IGF2BP2: variants seen among roughly 807,000 people sequenced by gnomAD.
IGF2BP2 encodes insulin like growth factor 2 mRNA binding protein 2.
In IGF2BP2, 17 loss-of-function variants were observed where a neutral mutation model predicts 75.8. That is an observed-to-expected ratio of 0.22 (90% CI 0.15 to 0.34). The LOEUF is 0.34. Among genes scored for constraint, IGF2BP2 ranks in the 10% least tolerant of loss-of-function variants. IGF2BP2 has a pLI of 1.00. For synonymous variants in IGF2BP2, 288 were observed against 295.6 expected (o/e 0.97, Z 0.26); for missense variants, 516 against 772.4 (o/e 0.67, Z 3.93).
intron 2 of IGF2BP2, among the ~76,000 whole-genome samples, chr3:185,814,835 G>A (rs1017664821): frequency 6.6e-6 from 1 of 152,026 alleles, no homozygotes; most frequent in African/African-American, 2.4e-5. Context: ...ATCAAAAAGT[G>A]CTTTCACTGA....
intron 2 of IGF2BP2, among the ~76,000 whole-genome samples, chr3:185,783,613 C>T (rs1263711949): frequency 6.6e-6 from 1 of 152,198 alleles, no homozygotes; most frequent in African/African-American, 2.4e-5. Flanking sequence ...ACCTCTACTT[C>T]CAAGACCTGA....
At position 185,645,686 on chromosome 3, in the gene IGF2BP2, C is replaced by G; in HGVS notation, c.1708-63G>C. The G allele has an allele frequency of 8.0e-7, 1 of 1,255,696 alleles. No individual in the cohort carries two copies. Among genetic ancestry groups the G allele is most frequent in the Non-Finnish European group, 1.2e-6 (1 of 855,158 alleles). The allele number at this position is 1,255,696 out of a possible 1,614,324, so 77.8% of individuals were successfully genotyped here. ...GAAAAAAGGAACCCAGTTCTGAGGA[C>G]AAACGGCAGGGGAGGCTCTGGGGCT... On this transcript the variant is annotated intron_variant, in intron 15 of 15. Coordinates refer to ENST00000382199, the MANE Select transcript of IGF2BP2 (RefSeq NM_006548.6). The surrounding 1 kb of genome is among the most constrained non-coding windows in gnomAD (Gnocchi z 4.9).
chr3:185,694,671 G>A (rs760418394), intron 4 of IGF2BP2, among the ~76,000 whole-genome samples: 17 of 152,194 alleles, frequency 1.1e-4, no homozygotes, highest in Non-Finnish European at 2.2e-4. Context: ...AACTGCCCCA[G>A]GGACCTGGAA....
chr3:185,805,518 C>T (rs1011810046), intron 2 of IGF2BP2, among the ~76,000 whole-genome samples: 2 of 152,206 alleles, frequency 1.3e-5, no homozygotes, highest in African/African-American at 2.4e-5. Context: ...GTTTGGCCCA[C>T]GATAAGGCTT....
chr3:185,716,625 G>A lies in IGF2BP2; in HGVS notation c.240-18278C>T. On this transcript the variant is annotated intron_variant, in intron 2 of 15. Coordinates refer to ENST00000382199, the MANE Select transcript of IGF2BP2 (RefSeq NM_006548.6). ...CCTACTTTTCTTCGGGGGCAGGTAGGGAAGCACAGCACCAGCCCTCAGCTG... is the reference window on the plus strand; with the variant it reads ...CCTACTTTTCTTCGGGGGCAGGTAGAGAAGCACAGCACCAGCCCTCAGCTG... 3 of 520,028 alleles carry A rather than the reference G, an allele frequency of 5.8e-6. 1 individual carries two copies. The highest frequency in any genetic ancestry group is 4.2e-5 in the South Asian group (3 of 71,582). 32.2% of individuals were successfully genotyped at this position (520,028 alleles called of 1,614,324 possible).
intron 10 of IGF2BP2, among the ~76,000 whole-genome samples, 177 bp from the exon 11 acceptor site, chr3:185,658,586 G>C (rs1039501564): frequency 1.3e-5 from 2 of 152,202 alleles, no homozygotes; most frequent in Non-Finnish European, 2.9e-5. Context: ...CTCCCACTCA[G>C]ACCACGGAAT....
chr3:185,658,427 G>C lies in IGF2BP2; in HGVS notation c.1201-18C>G. ...GAGTGGGTCTGCAGCATGAGAGAAA[G>C]AGTCAGTGGGCGGGTGCTCTCAGGG... On this transcript the variant is annotated intron_variant, in intron 10 of 15. Transcript: ENST00000382199. The C allele has an allele frequency of 1.2e-6, 2 of 1,610,448 alleles. No homozygotes were observed. The highest frequency in any genetic ancestry group is 1.3e-5 in the African/African-American group (1 of 74,994).
chr3:185,820,909 C>A (rs904438439), intron 2 of IGF2BP2: 23 of 1,230,702 alleles, frequency 1.9e-5, no homozygotes, highest in Admixed American at 2.4e-5. Flanking sequence ...CTTAACACTG[C>A]CAAATTTACT....
chr3:185,714,763 C>T (rs930758743), intron 2 of IGF2BP2, among the ~76,000 whole-genome samples: 2 of 152,194 alleles, frequency 1.3e-5, no homozygotes, highest in Non-Finnish European at 2.9e-5. Context: ...GCCTAGGCAA[C>T]GTAGCAAGAC....
At chr3:185,733,315 A>G (rs953896747) in intron 2 of IGF2BP2, among the ~76,000 whole-genome samples, 3 of 152,198 alleles carry the variant, frequency 2.0e-5, no homozygotes, top group African/African-American at 4.8e-5. Flanking sequence ...CCACAGTCAA[A>G]GGGAGAAGGA....
At chr3:185,797,817 ACCACGTGAG>A (rs1365761233) in intron 2 of IGF2BP2, among the ~76,000 whole-genome samples, 1 of 150,962 alleles carries the variant, frequency 6.6e-6, no homozygotes, top group Non-Finnish European at 1.5e-5. Flanking sequence ...AGGTGGGAGA[ACCACGTGAG>A]CCTGGCGAGG....
intron 2 of IGF2BP2, among the ~76,000 whole-genome samples, chr3:185,796,509 G>C (rs1737406544): frequency 7.0e-6 from 1 of 142,486 alleles, no homozygotes; most frequent in South Asian, 2.4e-4. Flanking sequence ...AGGTTGTAGT[G>C]AGCAGAGATC....
intron 2 of IGF2BP2, among the ~76,000 whole-genome samples, chr3:185,776,902 A>C (rs182413827): frequency 9.0e-4 from 137 of 152,372 alleles, no homozygotes; most frequent in African/African-American, 3.2e-3. Flanking sequence ...ACATACAATA[A>C]AACAGTGCAA....
chr3:185,658,767 G>A (rs974331649), intron 10 of IGF2BP2, among the ~76,000 whole-genome samples: 2 of 152,202 alleles, frequency 1.3e-5, no homozygotes, highest in African/African-American at 2.4e-5. Flanking sequence ...GCCCTCGGGT[G>A]GAGAGGCGGG....
intron 2 of IGF2BP2, among the ~76,000 whole-genome samples, chr3:185,763,433 A>G (rs914533650): frequency 6.6e-6 from 1 of 152,230 alleles, no homozygotes; most frequent in Non-Finnish European, 1.5e-5. Flanking sequence ...GGATATACTC[A>G]GCATTATATT....
At chr3:185,802,335 C>A (rs1194573700) in intron 2 of IGF2BP2, among the ~76,000 whole-genome samples, 1 of 68,852 alleles carries the variant, frequency 1.5e-5, no homozygotes, top group African/African-American at 9.2e-5. Context: ...TGACTAATTA[C>A]GGTAATACCT....
chr3:185,723,954 G>A (rs889758748), intron 2 of IGF2BP2, among the ~76,000 whole-genome samples: 1 of 152,186 alleles, frequency 6.6e-6, no homozygotes, highest in Non-Finnish European at 1.5e-5. Flanking sequence ...AAGCAGGTTC[G>A]GTCTGGGCAA....
intron 1 of IGF2BP2, 72 bp downstream of exon 1, chr3:185,824,711 C>G: frequency 8.6e-7 from 1 of 1,162,202 alleles, no homozygotes. Context: ...CCGCCGGACT[C>G]GGCCTCCCTC....
At chr3:185,798,684 C>T (rs1737762714) in intron 2 of IGF2BP2, among the ~76,000 whole-genome samples, 2 of 152,240 alleles carry the variant, frequency 1.3e-5, no homozygotes, top group Admixed American at 1.3e-4. Context: ...AAAACACCTG[C>T]TTTTACGAGG....
Sources: allele counts gnomAD v4.1 joint callset (sites outside exome capture counted in the v4.1 genomes callset), GRCh38; gene constraint gnomAD v4.1.1; non-coding constraint Gnocchi (gnomAD v3.1); transcripts MANE v1.5; gene names NCBI Gene and HGNC (gene_info 2026-07-23, HGNC 2026-07-21).